CDAN1: variants seen among roughly 807,000 people sequenced by gnomAD.
CDAN1 encodes the protein codanin-1.
CDAN1 carries 107 observed loss-of-function variants against 139.8 expected under a neutral mutation model. That is an observed-to-expected ratio of 0.77 (90% CI 0.65 to 0.90). The LOEUF (loss-of-function observed/expected upper bound fraction) is 0.90, where lower values mean the gene tolerates loss of function less well. Among genes scored for constraint, CDAN1 ranks in the 40% least tolerant of loss-of-function variants. The probability of loss-of-function intolerance (pLI) is 0.00; values close to 1 mark genes in which losing one functional copy is unlikely to be tolerated. For synonymous variants in CDAN1, 776 were observed against 660.6 expected, an observed-to-expected ratio of 1.17 and a Z score of -2.68; for missense variants, 1,667 against 1,575.7, an observed-to-expected ratio of 1.06 and a Z score of -0.98.
intron 22 of CDAN1, 35 bp from the exon 23 acceptor site, chr15:42,727,804 G>A (rs199813215): frequency 6.7e-5 from 108 of 1,610,012 alleles, no homozygotes; most frequent in Non-Finnish European, 5.9e-5. Flanking sequence ...AAGGAATCAC[G>A]GGAGGGCCCT....
chr15:42,730,472 G>A (rs1250968491), intron 14 of CDAN1, 126 bp downstream of exon 14: 3 of 1,162,536 alleles, frequency 2.6e-6, no homozygotes, highest in Non-Finnish European at 3.8e-6. Context: ...CCTCTCCCAG[G>A]GCTCAGTTAT....
Position 42,729,666 on chromosome 15 carries a change from C to T in CDAN1, c.2353-44G>A, listed in dbSNP as rs201287434. On this transcript the variant is annotated intron_variant, in intron 16 of 27. Transcript: ENST00000356231. The stretch of plus-strand genomic sequence containing the variant: ...TGTCAGCAGACTGCCCCTCCCCCAG[C>T]GCACCCAGAAAGCAGGCAGTTGGCA... The T allele has an allele frequency of 2.9e-4, 468 of 1,610,142 alleles. 1 individual carries two copies. In the East Asian group the frequency reaches 5.8e-3, roughly 20 times the overall value.
In CDAN1 at chr15:42,735,945, G is replaced by GGCTA. The variant is rs1566989338; in HGVS notation, c.699_702dup (p.Pro235Ter). ...CCTGGGGGAAGGCCAAGGCCCCAAG[G>GGCTA]GCTAGTGTCCAGGGCTGAGGGTTGG... On this transcript the variant is annotated stop_gained and frameshift_variant, in exon 3 of 28. Coordinates refer to ENST00000356231, the MANE Select transcript of CDAN1 (RefSeq NM_138477.4). LOFTEE classifies it high-confidence loss of function. 1 of 1,614,046 alleles carries GGCTA rather than the reference G, an allele frequency of 6.2e-7. No individual in the cohort carries two copies. Among genetic ancestry groups the GGCTA allele is most frequent in the Non-Finnish European group, 8.5e-7 (1 of 1,180,024 alleles).
At position 42,730,241 on chromosome 15, in the gene CDAN1, G is replaced by T. The variant is rs780706486; in HGVS notation, c.2175-26C>A. ...CTGAAACATCAATGGGCAGTACACG[G>T]GTTTGAGCAGAAAGGGGAAGGGAAT... On this transcript the variant is annotated intron_variant, in intron 14 of 27. Coordinates refer to ENST00000356231, the MANE Select transcript of CDAN1 (RefSeq NM_138477.4). 2.5e-6 allele frequency: 4 copies of T among 1,600,512 alleles called. No homozygotes were observed. The East Asian group carries it at 8.9e-5, about 36-fold the overall frequency.
chr15:42,734,328 G>A lies in CDAN1; in HGVS notation c.1155C>T (p.Asp385=). Residue 385 remains aspartate (D), a synonymous_variant, in exon 7 of 28, where the codon GAC becomes GAT. Coordinates refer to ENST00000356231, the MANE Select transcript of CDAN1 (RefSeq NM_138477.4). The stretch of plus-strand genomic sequence containing the variant: ...CAGCCAGCAGCTTCAAGGTCCCTTT[G>A]TCCAGGTTGGAAAGAACCCTGCAGG... The part of the protein sequence containing the change: ...ECHFQVLSNL[D]KGTLKLLAEN... The A allele has an allele frequency of 6.2e-7, 1 of 1,614,130 alleles. No individual in the cohort carries two copies. Among genetic ancestry groups the A allele is most frequent in the Non-Finnish European group, 8.5e-7 (1 of 1,180,038 alleles).
Position 42,736,325 on chromosome 15 carries a change from G to C in CDAN1, c.546C>G (p.Gly182=). The change falls in exon 2 of 28, where the codon GGC becomes GGG. Residue 182 remains glycine (G), a synonymous_variant. Transcript: ENST00000356231. ...ACCCTGTAGGGCCGGGGGGAACCGAGCCTACGGGAGGGAACTCCTCCAGGT... is the reference window on the plus strand; with the variant it reads ...ACCCTGTAGGGCCGGGGGGAACCGACCCTACGGGAGGGAACTCCTCCAGGT... ...LSNLEEFPPV[G]SVPPGPTGTK... is the part of the protein sequence containing the mutation. 6.2e-7 allele frequency: 1 copy of C among 1,613,834 alleles called. No individual in the cohort carries two copies. Among genetic ancestry groups the C allele is most frequent in the Non-Finnish European group, 8.5e-7 (1 of 1,179,960 alleles).
chr15:42,728,836 G>A, intron 19 of CDAN1, 26 bp from the exon 20 acceptor site: 2 of 1,614,102 alleles, frequency 1.2e-6, no homozygotes, highest in Non-Finnish European at 1.7e-6. Flanking sequence ...CAAGGTTGGG[G>A]ATGGTTGGAG....
intron 5 of CDAN1, 37 bp downstream of exon 5, chr15:42,735,224 T>A: frequency 6.2e-7 from 1 of 1,602,252 alleles, no homozygotes; most frequent in East Asian, 2.2e-5. Flanking sequence ...GTCCCGTTTC[T>A]AGACCCCATG....
intron 26 of CDAN1, 78 bp from the exon 27 acceptor site, chr15:42,725,329 G>A (rs1358612464): frequency 4.0e-6 from 6 of 1,497,906 alleles, no homozygotes; most frequent in Non-Finnish European, 5.6e-6. Flanking sequence ...ATCTCAAAGG[G>A]CAGAGCTGCT....
Position 42,735,569 on chromosome 15 carries a change from C to G in CDAN1, c.884G>C (p.Arg295Thr), listed in dbSNP as rs1296488295. The change falls in exon 4 of 28, where the codon AGA (arginine) becomes ACA (threonine). Residue 295 changes from arginine to threonine, a missense_variant. Around this residue, in one of 3 missense-constraint regions of CDAN1, gnomAD observed 487 missense variants for 422.2 expected, o/e 1.15. Coordinates refer to ENST00000356231, the MANE Select transcript of CDAN1 (RefSeq NM_138477.4). ...CTCCAGGCGCTGGCGGGAAGACACTCTGGCAGGGTCTGCAGGTTCATCTGT... is the reference window on the plus strand; with the variant it reads ...CTCCAGGCGCTGGCGGGAAGACACTGTGGCAGGGTCTGCAGGTTCATCTGT... ...SLTDEPADPA[R>T]VSSRQRLELV... 6.2e-7 allele frequency: 1 copy of G among 1,614,244 alleles called. No individual in the cohort carries two copies. The highest frequency in any genetic ancestry group is 2.2e-5 in the East Asian group (1 of 44,886).
chr15:42,731,568 C>T, intron 11 of CDAN1, 52 bp downstream of exon 11: 1 of 1,596,686 alleles, frequency 6.3e-7, no homozygotes, highest in South Asian at 1.1e-5. Flanking sequence ...TTTGGGAAGC[C>T]AAACCTTTCC....
At chr15:42,725,451 G>T in intron 26 of CDAN1, 38 bp downstream of exon 26, 1 of 1,611,956 alleles carries the variant, frequency 6.2e-7, no homozygotes, top group Non-Finnish European at 8.5e-7. Flanking sequence ...GATGTTCAGA[G>T]TGTGACTGCA....
chr15:42,733,221 T>G (rs370289677), intron 8 of CDAN1, 35 bp from the exon 9 acceptor site: 14 of 1,572,974 alleles, frequency 8.9e-6, no homozygotes, highest in African/African-American at 4.1e-5. Flanking sequence ...GCCGAGGCAC[T>G]CACTCCCACC....
Position 42,729,271 on chromosome 15 carries a change from GGTGGTA to G in CDAN1, c.2493_2498del (p.Thr832_Thr833del). On this transcript the variant is annotated inframe_deletion, in exon 18 of 28. Transcript: ENST00000356231. ...TCTGGGAAGGCTGGGCTCCCAGGCT[GGTGGTA>G]GTGGTGGGGGTGATTTTCCTCATGA... 6.2e-7 allele frequency: 1 copy of G among 1,613,724 alleles called. No individual in the cohort carries two copies. Among genetic ancestry groups the G allele is most frequent in the Non-Finnish European group, 8.5e-7 (1 of 1,179,914 alleles).
rs1202138862 is a variant in CDAN1, at chr15:42,725,575, T to C, written c.3364A>G (p.Lys1122Glu). ...GGAACCGGCCCCTGAAAGTCTTCCT[T>C]CCACAAGGAAAGCAGCATGTGCAGA... ...RLLHMLLSLW[K>E]EDFQGPVPLQ... Residue 1122 changes from lysine (K) to glutamate (E), a missense_variant, in exon 26 of 28, where the codon AAG (lysine) becomes GAG (glutamate). Lys to Glu is a moderately conservative substitution (Grantham distance 56, BLOSUM62 1). Transcript: ENST00000356231. 9 of 1,614,000 alleles carry C rather than the reference T, an allele frequency of 5.6e-6. No individual in the cohort carries two copies. The highest frequency in any genetic ancestry group is 7.6e-6 in the Non-Finnish European group (9 of 1,180,046).
In CDAN1 at chr15:42,726,389, C is replaced by A; in HGVS notation, c.3125G>T (p.Arg1042Leu). 6.3e-7 allele frequency: 1 copy of A among 1,597,982 alleles called. No individual in the cohort carries two copies. The change falls in exon 24 of 28, where the codon CGG becomes CTG. Residue 1042 changes from arginine (R) to leucine (L), a missense_variant. Physicochemically the swap from Arg to Leu is moderately radical, Grantham distance 102. Transcript: ENST00000356231. ...KDVLSLAVGP[R>L]DPDEGVSPEH... ...TGGGGAGACTCCCTCGTCAGGGTCC[C>A]GTGGCCCCACGGCCAAGGAGAGCAC...
chr15:42,735,657 G>A lies in CDAN1; in HGVS notation c.796C>T (p.Pro266Ser). The A allele has an allele frequency of 1.2e-6, 2 of 1,614,094 alleles. No homozygotes were observed. Among genetic ancestry groups the A allele is most frequent in the Non-Finnish European group, 1.7e-6 (2 of 1,180,024 alleles). The part of the protein sequence containing the change: ...KERSKQLQQS[P>S]TPTCPTPELG... ...TCTGGGGTGGGACAGGTGGGGGTAG[G>A]TGACTGCTGCAGCTGCTTAGAGCTA... Residue 266 changes from proline to serine, a missense_variant, in exon 4 of 28, where the codon CCT (proline) becomes TCT (serine). Pro to Ser is a moderately conservative substitution (Grantham distance 74). Transcript: ENST00000356231.
Position 42,727,936 on chromosome 15 carries a change from C to T in CDAN1, c.2947+19G>A, listed in dbSNP as rs764016082. ...TTTTTAAACACTTGATTCAGCCACT[C>T]CCCCATCCAGGACCTTACCTGTGAT... On this transcript the variant is annotated intron_variant, in intron 22 of 27. Transcript: ENST00000356231. The T allele has an allele frequency of 1.2e-6, 2 of 1,611,850 alleles. No homozygotes were observed. The highest frequency in any genetic ancestry group is 1.7e-5 in the Admixed American group (1 of 60,008).
Position 42,727,729 on chromosome 15 carries a change from T to A in CDAN1, c.2988A>T (p.Thr996=). Residue 996 remains threonine, a synonymous_variant, in exon 23 of 28, where the codon ACA becomes ACT. Coordinates refer to ENST00000356231, the MANE Select transcript of CDAN1 (RefSeq NM_138477.4). ...CAGGTTCAGGACCCTGGGCTCGAAG[T>A]GTGCGACTCACTGCTGCTTTCACCT... ...RREVKAAVSR[T]LRAQGPEPAA... 4 of 1,586,770 alleles carry A rather than the reference T, an allele frequency of 2.5e-6. No homozygotes were observed. Among genetic ancestry groups the A allele is most frequent in the Non-Finnish European group, 3.4e-6 (4 of 1,162,790 alleles).
Sources: gnomAD v4.1 joint callset for allele counts on GRCh38, gnomAD v4.1.1 for gene constraint, gnomAD v4.1.1 regional missense constraint, MANE v1.5 for transcripts, NCBI Gene and HGNC (gene_info 2026-07-23, HGNC 2026-07-21) for gene names.